Variants in PCDH15 observed in about 807,000 individuals in gnomAD.
PCDH15 encodes protocadherin related 15.
A neutral mutation model predicts 178.5 loss-of-function variants in PCDH15; 129 were observed. The observed-to-expected ratio is 0.72, with a 90% CI of 0.63 to 0.84. The LOEUF is 0.84. PCDH15 is among the 40% of genes least tolerant of loss of function. PCDH15 has a pLI of 0.00. For synonymous variants in PCDH15, 800 were observed against 732.0 expected (o/e 1.09, Z -1.50); for missense variants, 2,230 against 2,099.9 (o/e 1.06, Z -1.21).
intron 2 of PCDH15, among the ~76,000 whole-genome samples, chr10:55,042,659 A>G (rs1477822009): frequency 6.6e-6 from 1 of 152,096 alleles, no homozygotes; most frequent in Non-Finnish European, 1.5e-5. Flanking sequence ...AAAGGGATAT[A>G]TATATTTTTT....
intron 2 of PCDH15, among the ~76,000 whole-genome samples, chr10:55,479,528 G>T (rs907043368): frequency 5.3e-5 from 8 of 151,526 alleles, no homozygotes; most frequent in African/African-American, 1.9e-4. Context: ...GCACAATAAA[G>T]GCTGCACATG....
Position 54,290,882 on chromosome 10 carries a change from C to G in PCDH15, c.876+26389G>C, listed in dbSNP as rs185095982. 5.5e-3 allele frequency among the ~76,000 whole-genome samples: 830 copies of G among 152,276 alleles called. 4 individuals carry two copies. The highest frequency in any genetic ancestry group is 0.02 in the Middle Eastern group (6 of 294). ...TATATATGCACCTAATACAGGAACA[C>G]CCAGATTCATAAAGCAAGTCCTTAG... On this transcript the variant is annotated intron_variant, in intron 8 of 37. Transcript: ENST00000644397.
At chr10:55,064,178 A>T (rs1284528634) in intron 2 of PCDH15, among the ~76,000 whole-genome samples, 1 of 152,144 alleles carries the variant, frequency 6.6e-6, no homozygotes, top group Non-Finnish European at 1.5e-5. Flanking sequence ...GTTCTATTAG[A>T]GATTATTTTT....
chr10:55,335,278 G>A (rs1017060288), intron 2 of PCDH15, among the ~76,000 whole-genome samples: 33 of 152,162 alleles, frequency 2.2e-4, no homozygotes, highest in Non-Finnish European at 4.0e-4. Flanking sequence ...GAGAGCCTGA[G>A]AAGGGGGAGG....
chr10:55,159,365 C>T (rs1405269439), intron 2 of PCDH15, among the ~76,000 whole-genome samples: 1 of 17,274 alleles, frequency 5.8e-5, no homozygotes, highest in Non-Finnish European at 1.9e-4. Flanking sequence ...ATCTATCTAT[C>T]TATCTATATA....
At chr10:55,208,294 G>C (rs532017603) in intron 1 of PCDH15, among the ~76,000 whole-genome samples, 1 of 151,922 alleles carries the variant, frequency 6.6e-6, no homozygotes, top group African/African-American at 2.4e-5. Flanking sequence ...AAATCAAAAC[G>C]CTTGTTCCAT....
Position 54,290,559 on chromosome 10 carries a change from T to C in PCDH15, c.876+26712A>G, listed in dbSNP as rs149726127. ...CACACATAAAAATATTAACCTAAAATGTAAATGGGCTAAATGTCCTAATTA... is the reference window on the plus strand; with the variant it reads ...CACACATAAAAATATTAACCTAAAACGTAAATGGGCTAAATGTCCTAATTA... On this transcript the variant is annotated intron_variant, in intron 8 of 37. Coordinates refer to ENST00000644397, the MANE Select transcript of PCDH15 (RefSeq NM_001384140.1). Among the ~76,000 whole-genome samples the C allele has an allele frequency of 2.5e-3, 382 of 152,186 alleles. 1 individual carries two copies. The highest frequency in any genetic ancestry group is 6.9e-3 in the African/African-American group (285 of 41,518).
intron 3 of PCDH15, among the ~76,000 whole-genome samples, chr10:54,872,527 C>T (rs1450216187): frequency 6.6e-6 from 1 of 151,634 alleles, no homozygotes; most frequent in Non-Finnish European, 1.5e-5. Context: ...CTTTCAATAC[C>T]TCTCCATATA....
At chr10:53,838,599 G>A (rs1446930793) in intron 29 of PCDH15, among the ~76,000 whole-genome samples, 1 of 151,882 alleles carries the variant, frequency 6.6e-6, no homozygotes, top group Non-Finnish European at 1.5e-5. Flanking sequence ...TCAATCAATC[G>A]TGAAATTTAA....
At chr10:54,916,659 T>C (rs944953012) in intron 2 of PCDH15, among the ~76,000 whole-genome samples, 1 of 152,196 alleles carries the variant, frequency 6.6e-6, no homozygotes, top group Non-Finnish European at 1.5e-5. Flanking sequence ...AAAGCCATCA[T>C]TACACATCTC....
In PCDH15 at chr10:53,961,801, C is replaced by G. The variant is rs2088353070; in HGVS notation, c.2960G>C (p.Arg987Thr). The change falls in exon 22 of 38, where the codon AGA (arginine) becomes ACA (threonine). Residue 987 changes from arginine to threonine, a missense_variant. Arg to Thr is a moderately conservative substitution (Grantham distance 71, BLOSUM62 -1). Coordinates refer to ENST00000644397, the MANE Select transcript of PCDH15 (RefSeq NM_001384140.1). Reference sequence around the variant, plus strand: ...ATTAAGATTGACTCGTGTTATTACTCTTCCAGAATCTTCTTCCACTTCAAA... The same window carrying G: ...ATTAAGATTGACTCGTGTTATTACTGTTCCAGAATCTTCTTCCACTTCAAA... Reference protein sequence around the residue: ...SIFEVEEDSGRVITRVNLNEE... With the variant: ...SIFEVEEDSGTVITRVNLNEE... 6.2e-7 allele frequency: 1 copy of G among 1,611,962 alleles called. No individual in the cohort carries two copies. Among genetic ancestry groups the G allele is most frequent in the Non-Finnish European group, 8.5e-7 (1 of 1,178,586 alleles).
intron 2 of PCDH15, among the ~76,000 whole-genome samples, chr10:55,120,215 C>G (rs372992349): frequency 2.2e-4 from 34 of 152,044 alleles, no homozygotes; most frequent in African/African-American, 8.0e-4. Flanking sequence ...AACTGGATTT[C>G]TTGTGTATAT....
chr10:55,566,430 C>T (rs1842303504), intron 2 of PCDH15, among the ~76,000 whole-genome samples: 1 of 151,140 alleles, frequency 6.6e-6, no homozygotes, highest in African/African-American at 2.4e-5. Context: ...GAGCTTACTA[C>T]TATTCAATAT....
intron 2 of PCDH15, among the ~76,000 whole-genome samples, chr10:54,536,505 A>G (rs2084541409): frequency 6.6e-6 from 1 of 152,068 alleles, no homozygotes; most frequent in Admixed American, 6.6e-5. Flanking sequence ...AATAATTTCA[A>G]ATTTTCTTTT....
At chr10:55,072,789 CA>C (rs1308135550) in intron 2 of PCDH15, among the ~76,000 whole-genome samples, 1 of 151,752 alleles carries the variant, frequency 6.6e-6, no homozygotes, top group Non-Finnish European at 1.5e-5. Context: ...GGCAGAGACA[CA>C]ACCAAAAAAG....
chr10:54,202,812 CAAA>C (rs36086266), intron 10 of PCDH15, among the ~76,000 whole-genome samples: 3 of 106,188 alleles, frequency 2.8e-5, no homozygotes, highest in South Asian at 3.4e-4. Flanking sequence ...AACCCCACCT[CAAA>C]AAAAAAAAAA....
chr10:53,973,696 C>A (rs1184926227), intron 21 of PCDH15, among the ~76,000 whole-genome samples: 2 of 152,050 alleles, frequency 1.3e-5, no homozygotes, highest in African/African-American at 4.8e-5. Context: ...TCCCTGTATT[C>A]ACACAGTATT....
intron 2 of PCDH15, among the ~76,000 whole-genome samples, chr10:54,965,635 A>G (rs1037760390): frequency 1.0e-4 from 13 of 125,736 alleles, no homozygotes; most frequent in African/African-American, 3.5e-4. Flanking sequence ...ATATATATAT[A>G]TATGTTGGGT....
intron 19 of PCDH15, among the ~76,000 whole-genome samples, chr10:54,022,682 C>G (rs2092960691): frequency 6.6e-6 from 1 of 151,940 alleles, no homozygotes; most frequent in South Asian, 2.1e-4. Flanking sequence ...GATCTTTCTG[C>G]CCTTAATTTT....
Sources: gnomAD v4.1 joint callset for allele counts (sites outside exome capture counted in the v4.1 genomes callset) on GRCh38, gnomAD v4.1.1 for gene constraint, MANE v1.5 for transcripts, NCBI Gene and HGNC (gene_info 2026-07-23, HGNC 2026-07-21) for gene names.